SPANXN3: variants seen among roughly 807,000 people sequenced by gnomAD.
SPANXN3 encodes the protein sperm protein associated with the nucleus on the X chromosome N3.
A neutral mutation model predicts 1.9 loss-of-function variants in SPANXN3; 1 was observed. That is an observed-to-expected ratio of 0.54 (90% CI 0.19 to 2.54). The LOEUF (loss-of-function observed/expected upper bound fraction) is 2.54, where lower values mean the gene tolerates loss of function less well. Ranked by LOEUF, SPANXN3 falls within the 30% of genes most tolerant of loss-of-function variation. SPANXN3 has a pLI of 0.24. For missense variants in SPANXN3, 113 were observed against 96.2 expected (o/e 1.17, Z -0.73); for synonymous variants, 47 against 40.0 (o/e 1.17, Z -0.66).
chrX:143,511,387 C>T (rs1929088338), intron 1 of SPANXN3, among the ~76,000 whole-genome samples: 1 of 111,513 alleles, frequency 9.0e-6, no homozygotes. Context: ...AAGGTCACAA[C>T]TAAATATGCC....
chrX:143,512,192 AC>A (rs1203172796), intron 1 of SPANXN3, among the ~76,000 whole-genome samples: 1 of 108,818 alleles, frequency 9.2e-6, no homozygotes, highest in Non-Finnish European at 1.9e-5. Context: ...CTACAATTCT[AC>A]CCCTTTTATT....
At chrX:143,514,332 G>A (rs1556412174) in intron 1 of SPANXN3, among the ~76,000 whole-genome samples, 1 of 112,531 alleles carries the variant, frequency 8.9e-6, no homozygotes, top group African/African-American at 3.2e-5. Flanking sequence ...AAAACCTTCT[G>A]TACTTTCATA....
chrX:143,508,857 T>C lies in SPANXN3; in HGVS notation c.384A>G (p.Leu128=). The change falls in exon 2 of 2, where the codon CTA becomes CTG. Residue 128 remains leucine (L), a synonymous_variant. Coordinates refer to ENST00000370503, the MANE Select transcript of SPANXN3 (RefSeq NM_001009609.4). ...CCTGTGAAGATCCTTCAGATAAGCC[T>C]AGGTCTTCATCCTCCTGTGAGGATC... ...SEGSSQEDED[L]GLSEGSSQDS... is the part of the protein sequence containing the mutation. The C allele has an allele frequency of 8.3e-7, 1 of 1,211,916 alleles. No individual in the cohort carries two copies. The highest frequency in any genetic ancestry group is 1.8e-5 in the South Asian group (1 of 56,995).
chrX:143,512,214 A>G (rs1346892328), intron 1 of SPANXN3, among the ~76,000 whole-genome samples: 1 of 109,089 alleles, frequency 9.2e-6, no homozygotes, highest in Non-Finnish European at 1.9e-5. Flanking sequence ...TTACTCCGAC[A>G]CCCAAACGCT....
At chrX:143,513,926 G>A (rs1556412111) in intron 1 of SPANXN3, among the ~76,000 whole-genome samples, 2 of 112,273 alleles carry the variant, frequency 1.8e-5, no homozygotes. Flanking sequence ...CCTCACCCTA[G>A]CAAAGGGAAA....
intron 1 of SPANXN3, among the ~76,000 whole-genome samples, 156 bp from the exon 2 acceptor site, chrX:143,509,318 C>G (rs1426379562): frequency 2.7e-4 from 30 of 110,948 alleles, no homozygotes; most frequent in South Asian, 3.8e-4. Context: ...GGTATCTATG[C>G]AGAAGAAGAA....
At chrX:143,516,259 C>T (rs1249297430) in intron 1 of SPANXN3, among the ~76,000 whole-genome samples, 1 of 112,249 alleles carries the variant, frequency 8.9e-6, no homozygotes, top group African/African-American at 3.2e-5. Flanking sequence ...AATTCAACAC[C>T]CACCTTCTCA....
chrX:143,517,455 G>A lies in SPANXN3; in HGVS notation c.-64C>T. The A allele has an allele frequency of 2.6e-6, 3 of 1,134,851 alleles. No homozygotes were observed. Among genetic ancestry groups the A allele is most frequent in the Admixed American group, 2.2e-5 (1 of 45,047 alleles). 93.5% of individuals were successfully genotyped at this position (1,134,851 alleles called of 1,213,427 possible). ...GTAGACTGCAGACTTCCACAGCTAT[G>A]TTGAAGCTTCCCAGTGGGATGTCCC... On this transcript the variant is annotated 5_prime_UTR_variant, in exon 1 of 2. Coordinates refer to ENST00000370503, the MANE Select transcript of SPANXN3 (RefSeq NM_001009609.4).
intron 1 of SPANXN3, among the ~76,000 whole-genome samples, 199 bp downstream of exon 1, chrX:143,517,115 G>A (rs782036063): frequency 3.6e-5 from 4 of 110,839 alleles, no homozygotes; most frequent in Admixed American, 2.9e-4. Flanking sequence ...ATCCTGCCGG[G>A]CAGCAAGCCA....
At chrX:143,515,031 C>T (rs1175421625) in intron 1 of SPANXN3, among the ~76,000 whole-genome samples, 20 of 110,368 alleles carry the variant, frequency 1.8e-4, no homozygotes, top group African/African-American at 5.6e-4. Context: ...ACTTGGCCGG[C>T]GTTACACCTC....
intron 1 of SPANXN3, among the ~76,000 whole-genome samples, chrX:143,509,441 C>A (rs782344094): frequency 6.3e-5 from 7 of 111,669 alleles, no homozygotes; most frequent in Middle Eastern, 4.6e-3. Context: ...AGGCCATGAG[C>A]AACATCCTGC....
chrX:143,517,227 A>G (rs1303416546), intron 1 of SPANXN3, 87 bp downstream of exon 1: 3 of 1,030,514 alleles, frequency 2.9e-6, no homozygotes, highest in African/African-American at 3.7e-5. Context: ...AGGTGTCTGC[A>G]GTATTCCTGT....
rs782300196 is a variant in SPANXN3, at chrX:143,508,921, C to T, written c.320G>A (p.Gly107Glu). The change falls in exon 2 of 2, where the codon GGA (glycine) becomes GAA (glutamate). Residue 107 changes from glycine to glutamate, a missense_variant. Transcript: ENST00000370503. ...TAGATCTTTGTCCTCCTTTGAAGGT[C>T]CTTCACATGGGCCTAGGTCTTCATC... The part of the protein sequence containing the change: ...NEDEDLGPCE[G>E]PSKEDKDLDS... 6 of 1,211,520 alleles carry T rather than the reference C, an allele frequency of 5.0e-6. No homozygotes were observed. In the South Asian group the frequency reaches 7.0e-5, roughly 14 times the overall value.
rs782807662 is a variant in SPANXN3, at chrX:143,512,745, T to A, written c.79-3583A>T. Among the ~76,000 whole-genome samples the A allele has an allele frequency of 9.8e-5, 11 of 111,802 alleles. No individual in the cohort carries two copies. The South Asian group carries it at 4.2e-3, about 42-fold the overall frequency. ...TGCACCCAACTAGAGTGGACTGTAC[T>A]CTTACAGGGGTTCCAGGATAGCCCC... On this transcript the variant is annotated intron_variant, in intron 1 of 1. Coordinates refer to ENST00000370503, the MANE Select transcript of SPANXN3 (RefSeq NM_001009609.4).
At chrX:143,513,953 A>T (rs1929156231) in intron 1 of SPANXN3, among the ~76,000 whole-genome samples, 1 of 111,777 alleles carries the variant, frequency 8.9e-6, no homozygotes. Flanking sequence ...CAACATTTAC[A>T]CCCATTCCAA....
intron 1 of SPANXN3, among the ~76,000 whole-genome samples, chrX:143,515,335 AC>A (rs1266475403): frequency 9.0e-6 from 1 of 111,474 alleles, no homozygotes; most frequent in African/African-American, 3.3e-5. Flanking sequence ...CCCCGACAGG[AC>A]CAACCTCACT....
intron 1 of SPANXN3, among the ~76,000 whole-genome samples, chrX:143,515,132 G>A (rs1602857356): frequency 9.1e-6 from 1 of 110,280 alleles, no homozygotes; most frequent in African/African-American, 3.3e-5. Flanking sequence ...CCTACAACCA[G>A]GGGACTGGGT....
At chrX:143,515,787 A>G (rs1222206906) in intron 1 of SPANXN3, among the ~76,000 whole-genome samples, 1 of 111,365 alleles carries the variant, frequency 9.0e-6, no homozygotes, top group Non-Finnish European at 1.9e-5. Context: ...CCTGCATCTC[A>G]CCTACTTGAC....
chrX:143,511,662 A>G (rs1172606922), intron 1 of SPANXN3, among the ~76,000 whole-genome samples: 1 of 111,727 alleles, frequency 9.0e-6, no homozygotes, highest in Non-Finnish European at 1.9e-5. Context: ...GAATTCCTCA[A>G]CTTGGCAACA....
Sources: gnomAD v4.1 joint callset for allele counts (sites outside exome capture counted in the v4.1 genomes callset) on GRCh38, gnomAD v4.1.1 for gene constraint, MANE v1.5 for transcripts, NCBI Gene and HGNC (gene_info 2026-07-23, HGNC 2026-07-21) for gene names.